The following SAP130 variants were observed in gnomAD, a reference collection of about 807,000 sequenced individuals.
The protein encoded by SAP130 is Sin3A associated protein 130.
In SAP130, 16 loss-of-function variants were observed where a neutral mutation model predicts 103.2. The observed-to-expected ratio is 0.16, with a 90% CI of 0.10 to 0.24. The LOEUF (loss-of-function observed/expected upper bound fraction) is 0.24, where lower values mean the gene tolerates loss of function less well. Among genes scored for constraint, SAP130 ranks in the 10% least tolerant of loss-of-function variants. SAP130 has a pLI of 1.00. For missense variants in SAP130, 990 were observed against 1,359.7 expected, an observed-to-expected ratio of 0.73 and a Z score of 4.28; for synonymous variants, 477 against 497.0, an observed-to-expected ratio of 0.96 and a Z score of 0.53.
intron 15 of SAP130, among the ~76,000 whole-genome samples, chr2:127,966,661 C>A (rs1305296536): frequency 6.6e-6 from 1 of 151,830 alleles, no homozygotes; most frequent in Non-Finnish European, 1.5e-5. Flanking sequence ...TGAGACTGCG[C>A]CACTGCACTC....
intron 14 of SAP130, among the ~76,000 whole-genome samples, chr2:127,980,189 C>A (rs985680247): frequency 6.6e-6 from 1 of 152,036 alleles, no homozygotes; most frequent in South Asian, 2.1e-4. Flanking sequence ...ACAGGATTTT[C>A]TTATGTTTAA....
intron 7 of SAP130, among the ~76,000 whole-genome samples, chr2:128,009,169 T>C (rs1481069509): frequency 6.6e-6 from 1 of 152,134 alleles, no homozygotes; most frequent in Non-Finnish European, 1.5e-5. Context: ...TTCTTGACTC[T>C]ATCCTTCAAA....
intron 14 of SAP130, among the ~76,000 whole-genome samples, chr2:127,983,020 C>A (rs1682064715): frequency 6.6e-6 from 1 of 152,042 alleles, no homozygotes; most frequent in South Asian, 2.1e-4. Flanking sequence ...AGGGTGGAGG[C>A]AGGAGAAGCA....
rs1005547355 is a variant in SAP130 at position 127,952,893 on chromosome 2, C to T, written c.2422+2093G>A. The stretch of plus-strand genomic sequence containing the variant: ...CATCCTAAGACTAGATCATGGACTG[C>T]TTCTGTCTTTATCAACATTCATTCC... On this transcript the variant is annotated intron_variant, in intron 16 of 20. Coordinates refer to ENST00000643581, the MANE Select transcript of SAP130 (RefSeq NM_001330301.2). Among the ~76,000 whole-genome samples, 28 of 152,246 alleles carry T rather than the reference C, an allele frequency of 1.8e-4. No homozygotes were observed. In the East Asian group the frequency reaches 5.4e-3, roughly 29 times the overall value.
intron 7 of SAP130, among the ~76,000 whole-genome samples, chr2:128,004,169 G>A (rs1016773820): frequency 6.6e-6 from 1 of 151,138 alleles, no homozygotes; most frequent in African/African-American, 2.4e-5. Flanking sequence ...CTGCCAGTGT[G>A]GTATTTTCTC....
At position 127,946,709 on chromosome 2, in the gene SAP130, CCT is replaced by C. The variant is rs1252989446; in HGVS notation, c.2798-1152_2798-1151del. ...ACCAGCCTGGCCAACATGGTGAAAC[CCT>C]GTCTCTACTAAAAATACAAAAAATT... On this transcript the variant is annotated intron_variant, in intron 18 of 20. Transcript: ENST00000643581. Among the ~76,000 whole-genome samples, 14 of 151,402 alleles carry C rather than the reference CCT, an allele frequency of 9.2e-5. No individual in the cohort carries two copies. In the South Asian group the frequency reaches 2.3e-3, roughly 25 times the overall value.
At chr2:127,964,640 AAAAC>A (rs1680509854) in intron 15 of SAP130, among the ~76,000 whole-genome samples, 2 of 151,992 alleles carry the variant, frequency 1.3e-5, no homozygotes, top group South Asian at 2.1e-4. Flanking sequence ...GAAAAACTAG[AAAAC>A]AAACAAAAAA....
chr2:127,962,385 C>A (rs1446419234), intron 15 of SAP130, among the ~76,000 whole-genome samples: 1 of 152,126 alleles, frequency 6.6e-6, no homozygotes, highest in Non-Finnish European at 1.5e-5. Context: ...TGGGTATATA[C>A]CCAAAGGATT....
At chr2:127,971,665 T>A (rs1681104108) in intron 15 of SAP130, among the ~76,000 whole-genome samples, 1 of 152,198 alleles carries the variant, frequency 6.6e-6, no homozygotes, top group South Asian at 2.1e-4. Flanking sequence ...TGTGGTATCT[T>A]CATTAGTTCT....
chr2:127,977,707 C>A (rs565033477), intron 15 of SAP130, among the ~76,000 whole-genome samples: 2 of 152,072 alleles, frequency 1.3e-5, no homozygotes, highest in Admixed American at 6.6e-5. Context: ...TTGAAAAATG[C>A]GTTCAGGTCA....
rs143413944 is a variant in SAP130, at chr2:128,004,944, T to C, written c.870-4490A>G. Among the ~76,000 whole-genome samples, 449 of 152,254 alleles carry C rather than the reference T, an allele frequency of 2.9e-3. 1 individual carries two copies. The highest frequency in any genetic ancestry group is 0.01 in the African/African-American group (424 of 41,548). On this transcript the variant is annotated intron_variant, in intron 7 of 20. Coordinates refer to ENST00000643581, the MANE Select transcript of SAP130 (RefSeq NM_001330301.2). Reference sequence around the variant, plus strand: ...AGAATAAAGCCAATCCAATCAAAGATGAATACTCAGAAAGGATCCAAAACA... The same window carrying C: ...AGAATAAAGCCAATCCAATCAAAGACGAATACTCAGAAAGGATCCAAAACA...
At chr2:127,981,394 ACC>A (rs76471709) in intron 14 of SAP130, among the ~76,000 whole-genome samples, 1 of 17,980 alleles carries the variant, frequency 5.6e-5, no homozygotes, top group East Asian at 2.2e-3. Flanking sequence ...GTCCTCCTGC[ACC>A]CCCGACTCAG....
At chr2:127,982,979 G>C (rs929525866) in intron 14 of SAP130, among the ~76,000 whole-genome samples, 1 of 152,202 alleles carries the variant, frequency 6.6e-6, no homozygotes, top group African/African-American at 2.4e-5. Flanking sequence ...GGCTCACTGA[G>C]CTTATGTGCT....
chr2:127,956,877 C>T (rs1030694425), intron 15 of SAP130, among the ~76,000 whole-genome samples: 18 of 152,224 alleles, frequency 1.2e-4, no homozygotes, highest in South Asian at 2.1e-4. Flanking sequence ...CCACTTCTTA[C>T]TAACCAAAGG....
At chr2:128,027,869 T>A in intron 1 of SAP130, 71 bp downstream of exon 1, 1 of 930,948 alleles carries the variant, frequency 1.1e-6, no homozygotes, top group Non-Finnish European at 1.3e-6. Context: ...GGACGGACGC[T>A]GCAGCCCGGC....
intron 12 of SAP130, among the ~76,000 whole-genome samples, 195 bp from the exon 13 acceptor site, chr2:127,990,061 C>G (rs937497213): frequency 1.3e-5 from 2 of 151,816 alleles, no homozygotes; most frequent in Non-Finnish European, 2.9e-5. Flanking sequence ...CACTTCCTAC[C>G]AATATGATGT....
intron 15 of SAP130, among the ~76,000 whole-genome samples, chr2:127,969,318 G>T (rs985983738): frequency 6.6e-6 from 1 of 152,146 alleles, no homozygotes; most frequent in African/African-American, 2.4e-5. Context: ...CAATGGCTGT[G>T]TCTAACACTC....
At chr2:128,002,439 G>C (rs1024691558) in intron 7 of SAP130, among the ~76,000 whole-genome samples, 70 of 152,142 alleles carry the variant, frequency 4.6e-4, no homozygotes, top group Middle Eastern at 3.4e-3. Context: ...TGAGGGAGGA[G>C]AATCACTTGA....
intron 18 of SAP130, among the ~76,000 whole-genome samples, chr2:127,947,782 G>GTGTGTGTGTGTGTGTGTC (rs1679208733): frequency 6.6e-6 from 1 of 151,940 alleles, no homozygotes; most frequent in Non-Finnish European, 1.5e-5. Flanking sequence ...GTGTGTGTGT[G>GTGTGTGTGTGTGTGTGTC]TGTGTGTGTG....
Sources: allele counts gnomAD v4.1 joint callset (sites outside exome capture counted in the v4.1 genomes callset), GRCh38; gene constraint gnomAD v4.1.1; transcripts MANE v1.5; gene names NCBI Gene and HGNC (gene_info 2026-07-23, HGNC 2026-07-21).